EYA3: variants seen among roughly 807,000 people sequenced by gnomAD.
EYA3 encodes EYA transcriptional coactivator and phosphatase 3, also known as protein phosphatase EYA3.
A neutral mutation model predicts 80.0 loss-of-function variants in EYA3; 39 were observed. The observed-to-expected ratio is 0.49, with a 90% CI of 0.38 to 0.64. The LOEUF is 0.64. Among genes scored for constraint, EYA3 ranks in the 30% least tolerant of loss-of-function variants. EYA3 has a pLI of 0.00. For missense variants in EYA3, 523 were observed against 676.1 expected (o/e 0.77, Z 2.51); for synonymous variants, 206 against 232.8 (o/e 0.88, Z 1.05).
chr1:28,067,522 GC>G (rs201043802), intron 1 of EYA3, among the ~76,000 whole-genome samples: 2,923 of 152,146 alleles, frequency 0.019, 48 homozygotes, highest in Non-Finnish European at 0.031. Flanking sequence ...CTTCATTCTT[GC>G]CCCCAACTTT....
At chr1:28,037,210 G>A (rs1371531805) in intron 5 of EYA3, among the ~76,000 whole-genome samples, 1 of 152,088 alleles carries the variant, frequency 6.6e-6, no homozygotes, top group African/African-American at 2.4e-5. Context: ...GTTTAGAAAG[G>A]GAGGAGAAAC....
chr1:28,065,819 A>G (rs569959337), intron 1 of EYA3, among the ~76,000 whole-genome samples: 1 of 151,532 alleles, frequency 6.6e-6, no homozygotes, highest in South Asian at 2.1e-4. Context: ...CCTGGCGAAC[A>G]TGGTGAAACC....
chr1:28,084,273 TA>T (rs2148961990), intron 1 of EYA3, among the ~76,000 whole-genome samples: 1 of 152,070 alleles, frequency 6.6e-6, no homozygotes, highest in East Asian at 1.9e-4. Flanking sequence ...CTTCTACATT[TA>T]ATAATTAGCT....
At chr1:28,022,249 C>T (rs996600356) in intron 7 of EYA3, among the ~76,000 whole-genome samples, 2 of 151,924 alleles carry the variant, frequency 1.3e-5, no homozygotes, top group Non-Finnish European at 1.5e-5. Context: ...CCTGGGTTCA[C>T]ACCATTCTCC....
intron 10 of EYA3, 104 bp from the exon 11 acceptor site, chr1:28,004,523 G>GT: frequency 1.3e-6 from 1 of 766,276 alleles, no homozygotes; most frequent in Non-Finnish European, 2.2e-6. Context: ...AAATATGTAG[G>GT]AATTAAACAA....
chr1:28,064,252 AC>A (rs766566894), intron 1 of EYA3, among the ~76,000 whole-genome samples: 8 of 152,094 alleles, frequency 5.3e-5, no homozygotes, highest in Non-Finnish European at 1.2e-4. Flanking sequence ...ATGTGTGCAT[AC>A]ACGTATATAA....
chr1:28,001,198 ATAT>A (rs1330609618), intron 11 of EYA3, among the ~76,000 whole-genome samples: 3 of 148,616 alleles, frequency 2.0e-5, no homozygotes, highest in Non-Finnish European at 3.0e-5. Flanking sequence ...ATATATTCAC[ATAT>A]TATATGAATA....
chr1:27,991,232 TAC>T (rs906639478), intron 14 of EYA3, among the ~76,000 whole-genome samples: 1 of 152,180 alleles, frequency 6.6e-6, no homozygotes, highest in African/African-American at 2.4e-5. Flanking sequence ...GCCCTAAGAT[TAC>T]ACAGTAAGTT....
chr1:28,035,178 T>C (rs1643375377), intron 6 of EYA3, among the ~76,000 whole-genome samples: 1 of 152,148 alleles, frequency 6.6e-6, no homozygotes, highest in South Asian at 2.1e-4. Context: ...CTATGATACA[T>C]ATTCAGACTA....
intron 6 of EYA3, among the ~76,000 whole-genome samples, chr1:28,034,554 C>T (rs916054222): frequency 6.6e-6 from 1 of 151,996 alleles, no homozygotes; most frequent in Non-Finnish European, 1.5e-5. Flanking sequence ...AGTTATCAAC[C>T]CCACTATTAT....
intron 14 of EYA3, among the ~76,000 whole-genome samples, chr1:27,992,960 A>G (rs1161779255): frequency 6.6e-6 from 1 of 152,202 alleles, no homozygotes; most frequent in Non-Finnish European, 1.5e-5. Context: ...TTAAATCACA[A>G]CACATTGATA....
intron 4 of EYA3, among the ~76,000 whole-genome samples, chr1:28,041,324 A>G (rs1643764826): frequency 6.6e-6 from 1 of 152,184 alleles, no homozygotes; most frequent in Admixed American, 6.6e-5. Flanking sequence ...AGATCTTGCC[A>G]TTGCATTCCA....
intron 16 of EYA3, among the ~76,000 whole-genome samples, chr1:27,984,659 T>C (rs766736602): frequency 6.6e-6 from 1 of 152,232 alleles, no homozygotes; most frequent in Non-Finnish European, 1.5e-5. Flanking sequence ...GCTGTATTCC[T>C]AGTGCCTTGG....
At chr1:27,984,907 G>T (rs1398244070) in intron 16 of EYA3, among the ~76,000 whole-genome samples, 1 of 151,966 alleles carries the variant, frequency 6.6e-6, no homozygotes, top group East Asian at 1.9e-4. Flanking sequence ...TAATAAGTTA[G>T]TAAAAATATT....
At chr1:28,081,428 A>G (rs1182476149) in intron 1 of EYA3, among the ~76,000 whole-genome samples, 1 of 152,210 alleles carries the variant, frequency 6.6e-6, no homozygotes, top group Non-Finnish European at 1.5e-5. Flanking sequence ...GATGTTTCCT[A>G]AATTTGACAT....
intron 2 of EYA3, among the ~76,000 whole-genome samples, chr1:28,049,090 T>C (rs1261537696): frequency 6.6e-6 from 1 of 152,184 alleles, no homozygotes; most frequent in African/African-American, 2.4e-5. Flanking sequence ...ACATGTCTAA[T>C]ATGCTTAGCC....
rs746900722 is a variant in EYA3 at position 27,989,759 on chromosome 1, A to C, written c.1356T>G (p.Ile452Met). 4.3e-6 allele frequency: 7 copies of C among 1,612,020 alleles called. No homozygotes were observed. In the South Asian group the frequency reaches 7.7e-5, roughly 18 times the overall value. ...KEALQRLRAE[I>M]EVLTDSWLGT... ...CTAACCAGGAATCTGTTAAAACTTC[A>C]ATTTCTGCTCTTAATCTCTGCAGTG... is the stretch of plus-strand genomic sequence containing the variant. The change falls in exon 15 of 18, where the codon ATT becomes ATG. Residue 452 changes from isoleucine (I) to methionine (M), a missense_variant. Around this residue, in one of 2 missense-constraint regions of EYA3, gnomAD observed 219 missense variants for 332.8 expected, o/e 0.66. Coordinates refer to ENST00000373871, the MANE Select transcript of EYA3 (RefSeq NM_001990.4).
At chr1:27,976,742 G>A (rs549942454) in intron 17 of EYA3, among the ~76,000 whole-genome samples, 1 of 152,186 alleles carries the variant, frequency 6.6e-6, no homozygotes, top group East Asian at 1.9e-4. Context: ...TTTTGAGACA[G>A]GGTCTTGTTC....
chr1:28,073,798 T>TTAACTGTATG (rs1553157822), intron 1 of EYA3, among the ~76,000 whole-genome samples: 1 of 152,166 alleles, frequency 6.6e-6, no homozygotes, highest in Non-Finnish European at 1.5e-5. Flanking sequence ...GAACTGTATG[T>TTAACTGTATG]TTAAAAGAAT....
Sources: allele counts gnomAD v4.1 joint callset (sites outside exome capture counted in the v4.1 genomes callset), GRCh38; gene constraint gnomAD v4.1.1; regional missense constraint gnomAD v4.1.1; transcripts MANE v1.5; gene names NCBI Gene and HGNC (gene_info 2026-07-23, HGNC 2026-07-21).